Variants in SSBP2 observed in about 807,000 individuals in gnomAD.
SSBP2 encodes single stranded DNA binding protein 2, also known as single-stranded DNA-binding protein 2.
In SSBP2, 17 loss-of-function variants were observed where a neutral mutation model predicts 61.8. The ratio of observed to expected loss-of-function variants is 0.28; its 90% CI spans 0.19 to 0.41. SSBP2 has a LOEUF of 0.41. SSBP2 is among the 10% of genes least tolerant of loss of function. The pLI is 1.00. For synonymous variants in SSBP2, 139 were observed against 141.3 expected (o/e 0.98, Z 0.12); for missense variants, 310 against 458.7 (o/e 0.68, Z 2.96).
At chr5:81,694,820 A>T (rs111718033) in intron 1 of SSBP2, among the ~76,000 whole-genome samples, 21 of 152,216 alleles carry the variant, frequency 1.4e-4, no homozygotes, top group East Asian at 5.8e-4. Context: ...ACAAAAAAAA[A>T]TTTTTTTAAC....
At chr5:81,439,754 C>T (rs1168986630) in intron 14 of SSBP2, among the ~76,000 whole-genome samples, 3 of 149,714 alleles carry the variant, frequency 2.0e-5, no homozygotes, top group Non-Finnish European at 2.9e-5. Flanking sequence ...TCACTGCAAG[C>T]TCCGCCTCCC....
chr5:81,442,221 A>G (rs888793159), intron 13 of SSBP2, among the ~76,000 whole-genome samples: 5 of 152,076 alleles, frequency 3.3e-5, no homozygotes, highest in Admixed American at 1.3e-4. Flanking sequence ...CCATATTTAA[A>G]GTCTAGATTT....
upstream of SSBP2, chr5:81,751,312 C>G (rs1018249518): frequency 1.8e-6 from 1 of 559,438 alleles, no homozygotes. Flanking sequence ...CCCGCCTTCC[C>G]TCTCCGCTCT....
At chr5:81,421,482 T>C (rs1236688849) in intron 16 of SSBP2, among the ~76,000 whole-genome samples, 1 of 152,170 alleles carries the variant, frequency 6.6e-6, no homozygotes, top group Non-Finnish European at 1.5e-5. Context: ...CGTGAGACCC[T>C]GTGCTCGGCC....
In SSBP2 at chr5:81,421,452, C is replaced by T. The variant is rs143184710; in HGVS notation, c.1057-919G>A. ...AAGCAATCTGCTCACCTTGGCCTCC[C>T]GAAGTGCTGAGATTACAGGCGTGAG... On this transcript the variant is annotated intron_variant, in intron 16 of 16. Transcript: ENST00000320672. Among the ~76,000 whole-genome samples the T allele has an allele frequency of 3.6e-3, 544 of 152,218 alleles. 2 individuals carry two copies. Among genetic ancestry groups the T allele is most frequent in the African/African-American group, 0.012 (503 of 41,538 alleles).
chr5:81,472,936 A>G (rs1273325770), intron 8 of SSBP2, among the ~76,000 whole-genome samples: 4 of 152,196 alleles, frequency 2.6e-5, no homozygotes, highest in Admixed American at 6.5e-5. Flanking sequence ...TCTCCTCAGC[A>G]TGACTAAGAA....
chr5:81,680,287 T>C (rs1045243350), intron 1 of SSBP2, among the ~76,000 whole-genome samples: 3 of 148,510 alleles, frequency 2.0e-5, no homozygotes, highest in Non-Finnish European at 4.5e-5. Context: ...TGCATGTATG[T>C]ATATGTGTAT....
intron 1 of SSBP2, among the ~76,000 whole-genome samples, chr5:81,676,469 A>C (rs189000693): frequency 5.6e-4 from 85 of 152,254 alleles, no homozygotes; most frequent in African/African-American, 2.0e-3. Context: ...CTCTTTCTAC[A>C]ATCTCATTCC....
chr5:81,718,357 A>C (rs1755314819), intron 1 of SSBP2, among the ~76,000 whole-genome samples: 1 of 152,110 alleles, frequency 6.6e-6, no homozygotes, highest in African/African-American at 2.4e-5. Context: ...ACCCATTCGA[A>C]TGCTGAGAAA....
At chr5:81,423,509 C>G (rs1025879647) in intron 16 of SSBP2, among the ~76,000 whole-genome samples, 1 of 152,144 alleles carries the variant, frequency 6.6e-6, no homozygotes, top group Non-Finnish European at 1.5e-5. Flanking sequence ...CTTTGGGAGG[C>G]TGAGGCGGGT....
intron 4 of SSBP2, among the ~76,000 whole-genome samples, chr5:81,522,334 G>A (rs1012191860): frequency 2.0e-5 from 3 of 151,904 alleles, no homozygotes; most frequent in Non-Finnish European, 2.9e-5. Context: ...AAAAGGTAAC[G>A]TATAAAAGAC....
At chr5:81,727,000 C>T (rs746594294) in intron 1 of SSBP2, among the ~76,000 whole-genome samples, 8 of 152,150 alleles carry the variant, frequency 5.3e-5, no homozygotes, top group Admixed American at 5.2e-4. Context: ...ATTTATCCAG[C>T]GTCATTGGGA....
At position 81,559,336 on chromosome 5, in the gene SSBP2, G is replaced by A. The variant is rs150412124; in HGVS notation, c.283-45619C>T. 8.7e-3 allele frequency among the ~76,000 whole-genome samples: 1,288 copies of A among 148,818 alleles called. 30 individuals carry two copies. Among genetic ancestry groups the A allele is most frequent in the African/African-American group, 0.03 (1,220 of 40,194 alleles). ...CGGGAAGCGGAGGTTGCAGTGAGCC[G>A]AGACTGCGCCATTGCACTCCAGCCT... On this transcript the variant is annotated intron_variant, in intron 4 of 16. Coordinates refer to ENST00000320672, the MANE Select transcript of SSBP2 (RefSeq NM_012446.5).
chr5:81,747,960 C>T (rs1035649612), intron 1 of SSBP2, among the ~76,000 whole-genome samples: 1 of 152,162 alleles, frequency 6.6e-6, no homozygotes, highest in Admixed American at 6.5e-5. Context: ...CTTAAAATGA[C>T]AGAGTAAGTA....
At chr5:81,608,064 T>G (rs185649951) in intron 4 of SSBP2, among the ~76,000 whole-genome samples, 1 of 152,242 alleles carries the variant, frequency 6.6e-6, no homozygotes, top group African/African-American at 2.4e-5. Context: ...TTTCACACCT[T>G]TCTATCCCCA....
intron 4 of SSBP2, among the ~76,000 whole-genome samples, chr5:81,604,699 A>T (rs916073432): frequency 1.1e-4 from 16 of 152,190 alleles, no homozygotes; most frequent in African/African-American, 3.4e-4. Context: ...ATTAGCTTGC[A>T]CAGTCTTGCT....
At chr5:81,457,683 C>T (rs1032672824) in intron 10 of SSBP2, among the ~76,000 whole-genome samples, 2 of 151,416 alleles carry the variant, frequency 1.3e-5, no homozygotes, top group Non-Finnish European at 2.9e-5. Context: ...TTTTTTGAGA[C>T]CGAGTTTTAC....
chr5:81,648,763 C>T (rs1382032671), intron 2 of SSBP2, among the ~76,000 whole-genome samples: 1 of 151,884 alleles, frequency 6.6e-6, no homozygotes, highest in Non-Finnish European at 1.5e-5. Context: ...TATTTTGATA[C>T]AGGCATATAA....
intron 4 of SSBP2, among the ~76,000 whole-genome samples, chr5:81,609,417 G>T (rs1745219507): frequency 1.3e-5 from 2 of 151,884 alleles, no homozygotes; most frequent in Non-Finnish European, 1.5e-5. Flanking sequence ...TACAGTATAG[G>T]GTTATTATCT....
Sources: gnomAD v4.1 joint callset for allele counts (sites outside exome capture counted in the v4.1 genomes callset) on GRCh38, gnomAD v4.1.1 for gene constraint, MANE v1.5 for transcripts, NCBI Gene and HGNC (gene_info 2026-07-23, HGNC 2026-07-21) for gene names.